ATXN10: variants seen among roughly 807,000 people sequenced by gnomAD.
ATXN10 encodes ataxin 10.
Under a neutral mutation model 52.9 loss-of-function variants are expected in ATXN10, and 28 were observed. That is an observed-to-expected ratio of 0.53 (90% CI 0.39 to 0.73). The LOEUF (loss-of-function observed/expected upper bound fraction) is 0.73. Among genes scored for constraint, ATXN10 ranks in the 30% least tolerant of loss-of-function variants. ATXN10 has a pLI of 0.00. For missense variants in ATXN10, 565 were observed against 577.0 expected (o/e 0.98, Z 0.21); for synonymous variants, 226 against 221.5 (o/e 1.02, Z -0.18).
chr22:45,753,147 T>G (rs1434239141), intron 9 of ATXN10, among the ~76,000 whole-genome samples: 1 of 152,042 alleles, frequency 6.6e-6, no homozygotes, highest in Admixed American at 6.6e-5. Context: ...TTTTCTCATT[T>G]GTTCTCTCTC....
chr22:45,708,784 C>T lies in ATXN10; in HGVS notation c.647+5937C>T, dbSNP rs554376246. On this transcript the variant is annotated intron_variant, in intron 5 of 11. Transcript: ENST00000252934. This position sits in a 1 kb window ranked among gnomAD's most constrained non-coding sequence, Gnocchi z 5.3. Reference sequence around the variant, plus strand: ...CCCCCTGAGTAGCCAGGACTACAGGCGTGCGCCACCACGCCTGGCTAATTT... The same window carrying T: ...CCCCCTGAGTAGCCAGGACTACAGGTGTGCGCCACCACGCCTGGCTAATTT... Among the ~76,000 whole-genome samples the T allele has an allele frequency of 3.9e-4, 59 of 152,238 alleles. No individual in the cohort carries two copies. Among genetic ancestry groups the T allele is most frequent in the African/African-American group, 1.2e-3 (51 of 41,540 alleles).
At chr22:45,707,776 G>A (rs779865276) in intron 5 of ATXN10, among the ~76,000 whole-genome samples, 3 of 151,808 alleles carry the variant, frequency 2.0e-5, no homozygotes, top group South Asian at 4.2e-4. Context: ...GTCCAGGTGC[G>A]GAATACTTTG....
intron 9 of ATXN10, among the ~76,000 whole-genome samples, chr22:45,804,103 G>C (rs1003121576): frequency 6.6e-6 from 1 of 152,170 alleles, no homozygotes; most frequent in Non-Finnish European, 1.5e-5. Context: ...GTAAGATTCA[G>C]CAGACACCGC....
chr22:45,820,825 C>T lies in ATXN10; in HGVS notation c.1237+13803C>T, dbSNP rs1262247129. On this transcript the variant is annotated intron_variant, in intron 10 of 11. Transcript: ENST00000252934. This position sits in a 1 kb window ranked among gnomAD's most constrained non-coding sequence, Gnocchi z 4.9. ...GTCTTGGGGAATGGACAGACCTTTT[C>T]TTCAGGGTTAACTGAGCACAGCCGA... Among the ~76,000 whole-genome samples, 1 of 152,134 alleles carries T rather than the reference C, an allele frequency of 6.6e-6. No homozygotes were observed. Among genetic ancestry groups the T allele is most frequent in the Admixed American group, 6.6e-5 (1 of 15,264 alleles).
chr22:45,689,859 T>C lies in ATXN10; in HGVS notation c.264T>C (p.Leu88=). 2 of 1,614,224 alleles carry C rather than the reference T, an allele frequency of 1.2e-6. No individual in the cohort carries two copies. Among genetic ancestry groups the C allele is most frequent in the Non-Finnish European group, 1.7e-6 (2 of 1,180,030 alleles). The change falls in exon 2 of 12, where the codon CTT becomes CTC. Residue 88 remains leucine (L), a synonymous_variant. Transcript: ENST00000252934. Reference sequence around the variant, plus strand: ...TAATAACAGAATGCTTCAGGTGTCTTCGCAATGCTTGCATAGAGTGTTCTG... The same window carrying C: ...TAATAACAGAATGCTTCAGGTGTCTCCGCAATGCTTGCATAGAGTGTTCTG... ...LQLITECFRC[L]RNACIECSVN...
In ATXN10 at chr22:45,805,692, G is replaced by A. The variant is rs1038790988; in HGVS notation, c.1174-1267G>A. On this transcript the variant is annotated intron_variant, in intron 9 of 11. Transcript: ENST00000252934. This position sits in a 1 kb window ranked among gnomAD's most constrained non-coding sequence, Gnocchi z 4.4. ...GTAGAAGGATAGTTGCCAAGGACTG[G>A]GGGGAGGGAAGAATAAGGAGTGACT... Among the ~76,000 whole-genome samples, 2 of 152,178 alleles carry A rather than the reference G, an allele frequency of 1.3e-5. No individual in the cohort carries two copies. The highest frequency in any genetic ancestry group is 4.1e-4 in the South Asian group (2 of 4,826).
rs1039836652 is a variant in ATXN10, at chr22:45,743,129, C to T, written c.1173+2591C>T. Among the ~76,000 whole-genome samples the T allele has an allele frequency of 2.0e-5, 3 of 152,302 alleles. 1 individual carries two copies. Among genetic ancestry groups the T allele is most frequent in the South Asian group, 4.1e-4 (2 of 4,820 alleles). ...GAGGTCACTGGGGCGCACAGGAAGT[C>T]GATGGTGTGTCCTGTCACTTGTGCA... On this transcript the variant is annotated intron_variant, in intron 9 of 11. Transcript: ENST00000252934.
intron 7 of ATXN10, among the ~76,000 whole-genome samples, chr22:45,735,789 C>T (rs73886499): frequency 0.014 from 2,026 of 141,424 alleles, 65 homozygotes; most frequent in African/African-American, 0.05. Context: ...AAATCTTTCA[C>T]GATGTTCCCT....
intron 7 of ATXN10, among the ~76,000 whole-genome samples, chr22:45,735,295 A>T (rs545887226): frequency 1.0e-3 from 149 of 146,426 alleles, no homozygotes; most frequent in African/African-American, 3.5e-3. Context: ...CTTTCCACTA[A>T]TTTTTTTTTT....
At chr22:45,776,491 G>C (rs939090288) in intron 9 of ATXN10, among the ~76,000 whole-genome samples, 3 of 150,198 alleles carry the variant, frequency 2.0e-5, no homozygotes, top group African/African-American at 7.4e-5. Flanking sequence ...CATATAATTT[G>C]CACTCCCTGA....
chr22:45,689,566 T>G, intron 1 of ATXN10, 146 bp from the exon 2 acceptor site: 23 of 353,092 alleles, frequency 6.5e-5, no homozygotes, highest in East Asian at 9.3e-5. Flanking sequence ...GTGTAGATCT[T>G]TTATTTGGTG....
chr22:45,760,355 G>A (rs1276295141), intron 9 of ATXN10, among the ~76,000 whole-genome samples: 2 of 152,030 alleles, frequency 1.3e-5, no homozygotes, highest in African/African-American at 4.8e-5. Flanking sequence ...ATTCAACATC[G>A]TTCCCTTTAG....
At position 45,672,344 on chromosome 22, in the gene ATXN10, A is replaced by G. The variant is rs570852611; in HGVS notation, c.116+165A>G. 230 of 735,704 alleles carry G rather than the reference A, an allele frequency of 3.1e-4. No homozygotes were observed. In the Middle Eastern group the frequency reaches 3.7e-3, roughly 12 times the overall value. The allele number at this position is 735,704 out of a possible 1,614,324, so 45.6% of individuals were successfully genotyped here. ...CACCCAGGCCTCCCGACTCCCAGGCACCGCCTCGTGCTCGTGGGTCCCCGC... is the reference window on the plus strand; with the variant it reads ...CACCCAGGCCTCCCGACTCCCAGGCGCCGCCTCGTGCTCGTGGGTCCCCGC... On this transcript the variant is annotated intron_variant, in intron 1 of 11. Coordinates refer to ENST00000252934, the MANE Select transcript of ATXN10 (RefSeq NM_013236.4).
rs1373307902 is a variant in ATXN10 at position 45,762,990 on chromosome 22, T to C, written c.1173+22452T>C. Among the ~76,000 whole-genome samples the C allele has an allele frequency of 2.6e-5, 4 of 152,174 alleles. No individual in the cohort carries two copies. The highest frequency in any genetic ancestry group is 6.5e-5 in the Admixed American group (1 of 15,270). Reference sequence around the variant, plus strand: ...CCGGAATCAGACCATCCTCAGGGGATTGGAATGCACAGAAGCATTTAAGAA... The same window carrying C: ...CCGGAATCAGACCATCCTCAGGGGACTGGAATGCACAGAAGCATTTAAGAA... On this transcript the variant is annotated intron_variant, in intron 9 of 11. Transcript: ENST00000252934. The surrounding 1 kb of genome is among the most constrained non-coding windows in gnomAD (Gnocchi z 4.3).
At chr22:45,694,978 AAAATTTTAATGT>A (rs1300472952) in intron 3 of ATXN10, among the ~76,000 whole-genome samples, 1 of 149,576 alleles carries the variant, frequency 6.7e-6, no homozygotes, top group East Asian at 2.0e-4. Flanking sequence ...AAAACCCCAG[AAAATTTTAATGT>A]AAATTTCCAG....
chr22:45,689,579 G>GGCGGTATCAT, intron 1 of ATXN10, 133 bp from the exon 2 acceptor site: 1 of 667,272 alleles, frequency 1.5e-6, no homozygotes, highest in Non-Finnish European at 2.6e-6. Flanking sequence ...ATTTGGTGTT[G>GGCGGTATCAT]TAAATTAAGG....
chr22:45,823,416 A>C lies in ATXN10; in HGVS notation c.1237+16394A>C. 3.4e-6 allele frequency: 1 copy of C among 292,134 alleles called. No homozygotes were observed. The highest frequency in any genetic ancestry group is 2.9e-5 in the South Asian group (1 of 34,292). 18.1% of individuals were successfully genotyped at this position (292,134 alleles called of 1,614,324 possible). A position where few individuals can be genotyped will look rare whatever the true frequency, so the allele number is the denominator to read the frequency against. ...AGAATTGTAATTATTTATGATGTACAGTAGGGATTCTGTCTTTTTTTAATT... is the reference window on the plus strand; with the variant it reads ...AGAATTGTAATTATTTATGATGTACCGTAGGGATTCTGTCTTTTTTTAATT... On this transcript the variant is annotated intron_variant, in intron 10 of 11. Coordinates refer to ENST00000252934, the MANE Select transcript of ATXN10 (RefSeq NM_013236.4). The surrounding 1 kb of genome is among the most constrained non-coding windows in gnomAD (Gnocchi z 4.9).
intron 10 of ATXN10, among the ~76,000 whole-genome samples, chr22:45,838,507 T>G (rs554738466): frequency 3.8e-4 from 58 of 152,342 alleles, no homozygotes; most frequent in African/African-American, 1.4e-3. Context: ...AAGCTCTCTT[T>G]CTAAAGCTAA....
chr22:45,733,184 C>T lies in ATXN10; in HGVS notation c.894+3594C>T, dbSNP rs1925154387. The stretch of plus-strand genomic sequence containing the variant: ...TTTTAGCTTTGTATTTTCTGATATC[C>T]ATATATTACAATAATTGTTGCCAGG... On this transcript the variant is annotated intron_variant, in intron 7 of 11. Transcript: ENST00000252934. The surrounding 1 kb of genome is among the most constrained non-coding windows in gnomAD (Gnocchi z 4.4). Among the ~76,000 whole-genome samples, 2 of 152,114 alleles carry T rather than the reference C, an allele frequency of 1.3e-5. No individual in the cohort carries two copies. Among genetic ancestry groups the T allele is most frequent in the African/African-American group, 4.8e-5 (2 of 41,424 alleles).
Sources: allele counts gnomAD v4.1 joint callset (sites outside exome capture counted in the v4.1 genomes callset), GRCh38; gene constraint gnomAD v4.1.1; non-coding constraint Gnocchi (gnomAD v3.1); transcripts MANE v1.5; gene names NCBI Gene and HGNC (gene_info 2026-07-23, HGNC 2026-07-21).